Variants in ZMIZ1 observed in about 807,000 individuals in gnomAD.
ZMIZ1 encodes zinc finger MIZ-type containing 1.
Under a neutral mutation model 113.9 loss-of-function variants are expected in ZMIZ1, and 17 were observed. That is an observed-to-expected ratio of 0.15 (90% confidence interval 0.10 to 0.22). ZMIZ1 has a LOEUF of 0.22. Among genes scored for constraint, ZMIZ1 ranks in the 10% least tolerant of loss-of-function variants. ZMIZ1 has a pLI of 1.00. For missense variants in ZMIZ1, 1,059 were observed against 1,477.8 expected, an observed-to-expected ratio of 0.72 and a Z score of 4.65; for synonymous variants, 607 against 603.1, an observed-to-expected ratio of 1.01 and a Z score of -0.09.
chr10:79,097,443 C>T (rs144440805), intron 1 of ZMIZ1, among the ~76,000 whole-genome samples: 39 of 152,348 alleles, frequency 2.6e-4, no homozygotes, highest in East Asian at 2.3e-3. Flanking sequence ...CAGGTTCTTC[C>T]GCCTAGGGTC....
intron 7 of ZMIZ1, among the ~76,000 whole-genome samples, chr10:79,275,564 G>A (rs1460074529): frequency 2.6e-5 from 4 of 152,248 alleles, no homozygotes; most frequent in African/African-American, 7.2e-5. Context: ...AGCCACTCCC[G>A]GTCACTGTGC....
At position 79,293,443 on chromosome 10, in the gene ZMIZ1, C is replaced by T. The variant is rs771418827; in HGVS notation, c.1020C>T (p.Ala340=). The T allele has an allele frequency of 6.0e-5, 92 of 1,535,648 alleles. No homozygotes were observed. Among genetic ancestry groups the T allele is most frequent in the Non-Finnish European group, 4.6e-5 (52 of 1,141,600 alleles). Residue 340 remains alanine (A), a synonymous_variant, in exon 12 of 25, where the codon GCC becomes GCT. Coordinates refer to ENST00000334512, the MANE Select transcript of ZMIZ1 (RefSeq NM_020338.4). ...ACCAGCCCGGGCCGCGGGGGCCTGC[C>T]TCCATGGGGGGCAGCATGAACCCCG... ...FMNQPGPRGP[A]SMGGSMNPAS...
intron 4 of ZMIZ1, among the ~76,000 whole-genome samples, chr10:79,194,053 T>A (rs922810590): frequency 6.6e-6 from 1 of 152,206 alleles, no homozygotes; most frequent in African/African-American, 2.4e-5. Context: ...TCTGGCTGTG[T>A]CTTGGAACGC....
intron 1 of ZMIZ1, among the ~76,000 whole-genome samples, chr10:79,097,778 C>T (rs1843220977): frequency 6.6e-6 from 1 of 152,104 alleles, no homozygotes; most frequent in South Asian, 2.1e-4. Flanking sequence ...TTTGTGCTCA[C>T]AGCATATGTG....
chr10:79,292,165 G>A lies in ZMIZ1; in HGVS notation c.766G>A (p.Gly256Arg). The change falls in exon 11 of 25, where the codon GGG becomes AGG. Residue 256 changes from glycine to arginine, a missense_variant. Physicochemically the swap from Gly to Arg is moderately radical, Grantham distance 125. This residue lies in a region of ZMIZ1 where 272 missense variants were observed against 350.4 expected (regional missense o/e 0.78). Coordinates refer to ENST00000334512, the MANE Select transcript of ZMIZ1 (RefSeq NM_020338.4). ...GSGGFGASYP[G>R]GPNAPAGMGI... is the part of the protein sequence containing the mutation. ...ACCCTTCTCCCCCTGCAGTTACCCT[G>A]GGGGTCCTAACGCCCCCGCAGGCAT... 1.2e-6 allele frequency: 2 copies of A among 1,608,470 alleles called. No individual in the cohort carries two copies. The highest frequency in any genetic ancestry group is 4.5e-5 in the East Asian group (2 of 44,756).
Position 79,133,599 on chromosome 10 carries a change from G to A in ZMIZ1, c.-226-6083G>A, listed in dbSNP as rs185308676. Among the ~76,000 whole-genome samples, 1,177 of 152,232 alleles carry A rather than the reference G, an allele frequency of 7.7e-3. 13 individuals are homozygous for A. The highest frequency in any genetic ancestry group is 0.027 in the African/African-American group (1,112 of 41,520). ...TCCTGCCAGGGAGGCCATTCCTAGC[G>A]ACGCATGCCTGGCCTGAAATAGACA... On this transcript the variant is annotated intron_variant, in intron 2 of 24. Coordinates refer to ENST00000334512, the MANE Select transcript of ZMIZ1 (RefSeq NM_020338.4).
At chr10:79,309,662 T>C (rs1266028177) in intron 23 of ZMIZ1, among the ~76,000 whole-genome samples, 1 of 152,108 alleles carries the variant, frequency 6.6e-6, no homozygotes, top group Non-Finnish European at 1.5e-5. Flanking sequence ...GGAAACAGTT[T>C]TAGGAGAAAC....
In ZMIZ1 at chr10:79,233,983, A is replaced by C. The variant is rs185355562; in HGVS notation, c.280+17709A>C. Reference sequence around the variant, plus strand: ...TTGCCGGGGGAGTCAGGCGAGAGCAACCCAGGCTGAGGGCAGCAAGATGGC... The same window carrying C: ...TTGCCGGGGGAGTCAGGCGAGAGCACCCCAGGCTGAGGGCAGCAAGATGGC... On this transcript the variant is annotated intron_variant, in intron 7 of 24. Transcript: ENST00000334512. Among the ~76,000 whole-genome samples, 657 of 152,162 alleles carry C rather than the reference A, an allele frequency of 4.3e-3. 3 individuals carry two copies. Among genetic ancestry groups the C allele is most frequent in the African/African-American group, 0.014 (590 of 41,512 alleles).
chr10:79,090,959 G>A (rs553082622), intron 1 of ZMIZ1, among the ~76,000 whole-genome samples: 15 of 152,200 alleles, frequency 9.9e-5, no homozygotes, highest in East Asian at 1.9e-4. Flanking sequence ...TCCTCTGCCC[G>A]TCTGTGCCAA....
chr10:79,305,648 C>T, intron 21 of ZMIZ1, 47 bp downstream of exon 21: 1 of 1,595,240 alleles, frequency 6.3e-7, no homozygotes, highest in Non-Finnish European at 8.6e-7. Context: ...GGGACGAGGC[C>T]TGGATTAGAG....
At chr10:79,282,717 TGCC>T in intron 8 of ZMIZ1, among the ~76,000 whole-genome samples, 1 of 152,198 alleles carries the variant, frequency 6.6e-6, no homozygotes, top group South Asian at 2.1e-4. Context: ...AGGGTCAGGC[TGCC>T]ATAGCCCCGC....
chr10:79,140,267 GGCA>G (rs1845200272), intron 3 of ZMIZ1, among the ~76,000 whole-genome samples: 1 of 152,138 alleles, frequency 6.6e-6, no homozygotes, highest in Non-Finnish European at 1.5e-5. Context: ...TCTCCTTTGT[GGCA>G]GCATTCAAAA....
rs1048910553 is a variant in ZMIZ1, at chr10:79,289,035, C to T, written c.426-740C>T. ...AGCGGGGTGAGGGAATGGTGGGGTCCGCCAGAGGAGTAAGTCATTCTTAAG... is the reference window on the plus strand; with the variant it reads ...AGCGGGGTGAGGGAATGGTGGGGTCTGCCAGAGGAGTAAGTCATTCTTAAG... On this transcript the variant is annotated intron_variant, in intron 8 of 24. Transcript: ENST00000334512. 4.6e-5 allele frequency among the ~76,000 whole-genome samples: 7 copies of T among 152,098 alleles called. No individual in the cohort carries two copies. In the South Asian group the frequency reaches 8.3e-4, roughly 18 times the overall value.
rs547875640 is a variant in ZMIZ1 at position 79,206,801 on chromosome 10, TG to T, written c.61-1533del. ...TTTAAGCCTCACTGCGGCCCCGTGA[TG>T]GAGGGCTTTGTTGCTGCTTGCCTGC... On this transcript the variant is annotated intron_variant, in intron 5 of 24. Coordinates refer to ENST00000334512, the MANE Select transcript of ZMIZ1 (RefSeq NM_020338.4). Among the ~76,000 whole-genome samples the T allele has an allele frequency of 4.3e-3, 649 of 152,362 alleles. 5 individuals are homozygous for T. The highest frequency in any genetic ancestry group is 6.1e-3 in the Non-Finnish European group (412 of 68,028).
chr10:79,135,865 C>T (rs1844980630), intron 2 of ZMIZ1, among the ~76,000 whole-genome samples: 2 of 152,230 alleles, frequency 1.3e-5, no homozygotes, highest in South Asian at 4.1e-4. Context: ...GCAGTGAGCC[C>T]AGTTCCAGGG....
At chr10:79,259,903 C>T (rs549356477) in intron 7 of ZMIZ1, among the ~76,000 whole-genome samples, 11 of 152,214 alleles carry the variant, frequency 7.2e-5, no homozygotes, top group Admixed American at 1.3e-4. Context: ...TAAGCCACCG[C>T]GCCCAGCCTT....
At chr10:79,130,402 A>C (rs1426205501) in intron 2 of ZMIZ1, among the ~76,000 whole-genome samples, 1 of 151,948 alleles carries the variant, frequency 6.6e-6, no homozygotes, top group Non-Finnish European at 1.5e-5. Context: ...TCCAGTCAAC[A>C]CTCCAACCCT....
intron 7 of ZMIZ1, among the ~76,000 whole-genome samples, chr10:79,272,079 G>A (rs989331213): frequency 5.9e-5 from 9 of 152,070 alleles, no homozygotes; most frequent in Admixed American, 1.3e-4. Context: ...AACCAGCCTG[G>A]CCAACATGGC....
In ZMIZ1 at chr10:79,278,411, A is replaced by T. The variant is rs529448834; in HGVS notation, c.425+1086A>T. On this transcript the variant is annotated intron_variant, in intron 8 of 24. Transcript: ENST00000334512. ...GTTTTTCTTTTTATTATTATTATTT[A>T]TTATTATTATTATTTTAATTCTTTT... Among the ~76,000 whole-genome samples the T allele has an allele frequency of 3.3e-3, 488 of 148,922 alleles. 2 individuals are homozygous for T. The highest frequency in any genetic ancestry group is 0.011 in the African/African-American group (461 of 40,784).
Sources: allele counts gnomAD v4.1 joint callset (sites outside exome capture counted in the v4.1 genomes callset), GRCh38; gene constraint gnomAD v4.1.1; regional missense constraint gnomAD v4.1.1; transcripts MANE v1.5; gene names NCBI Gene and HGNC (gene_info 2026-07-23, HGNC 2026-07-21).